Variants in DMD observed in about 807,000 individuals in gnomAD.
DMD encodes the protein mutant dystrophin.
In DMD, 63 loss-of-function variants were observed where a neutral mutation model predicts 330.1. That is an observed-to-expected ratio of 0.19 (90% CI 0.16 to 0.24). DMD has a LOEUF of 0.24. Among genes scored for constraint, DMD ranks in the 10% least tolerant of loss-of-function variants. The pLI is 1.00. For missense variants in DMD, 3,344 were observed against 2,684.1 expected (o/e 1.25, Z -5.43); for synonymous variants, 1,223 against 959.8 (o/e 1.27, Z -5.07).
chrX:32,777,891 C>G (rs1355425386), intron 7 of DMD, among the ~76,000 whole-genome samples: 1 of 112,252 alleles, frequency 8.9e-6, no homozygotes, highest in African/African-American at 3.2e-5. Context: ...TTTTGGATGT[C>G]CAGCAGTGTG....
At chrX:32,303,611 A>G (rs953358166) in intron 42 of DMD, among the ~76,000 whole-genome samples, 16 of 111,223 alleles carry the variant, frequency 1.4e-4, no homozygotes, top group African/African-American at 4.9e-4. Context: ...GACACTTTGT[A>G]ACTTGGTTAA....
At chrX:31,584,777 ATTGT>A (rs1346540543) in intron 55 of DMD, among the ~76,000 whole-genome samples, 2 of 110,814 alleles carry the variant, frequency 1.8e-5, no homozygotes, top group African/African-American at 6.6e-5. Flanking sequence ...AGCTTGGACA[ATTGT>A]TTGTTTGTTA....
At chrX:32,406,699 T>C (rs139926246) in intron 30 of DMD, among the ~76,000 whole-genome samples, 2,716 of 110,943 alleles carry the variant, frequency 0.024, 80 homozygotes, top group African/African-American at 0.083. Flanking sequence ...ATCAGGGATA[T>C]TGGTCTAAAA....
intron 62 of DMD, among the ~76,000 whole-genome samples, chrX:31,293,216 T>TGTGTGTGTGTGTGGTCTGGTTTA (rs1569519890): frequency 1.1e-5 from 1 of 94,345 alleles, no homozygotes; most frequent in Non-Finnish European, 2.0e-5. Flanking sequence ...TGTGTGTGTG[T>TGTGTGTGTGTGTGGTCTGGTTTA]GTGTGTGTGT....
At chrX:32,667,489 G>T (rs1433593917) in intron 9 of DMD, among the ~76,000 whole-genome samples, 2 of 111,845 alleles carry the variant, frequency 1.8e-5, no homozygotes, top group Non-Finnish European at 3.8e-5. Context: ...ACCAACAAGG[G>T]AGTACAAATA....
chrX:32,368,331 T>C (rs1431685066), intron 34 of DMD, among the ~76,000 whole-genome samples: 1 of 111,273 alleles, frequency 9.0e-6, no homozygotes, highest in Non-Finnish European at 1.9e-5. Context: ...ATCACATTTT[T>C]TTTTGGAAAC....
At chrX:31,465,963 G>T (rs914654015) in intron 59 of DMD, among the ~76,000 whole-genome samples, 12 of 112,074 alleles carry the variant, frequency 1.1e-4, no homozygotes, top group Non-Finnish European at 1.9e-4. Context: ...TTTCATGTTT[G>T]TTGGCCGCAT....
intron 13 of DMD, chrX:32,583,606 C>G (rs990066464): frequency 2.7e-5 from 3 of 111,788 alleles, no homozygotes; most frequent in African/African-American, 9.8e-5. Context: ...TGATTAGAGT[C>G]CATAAACTGA....
chrX:33,190,116 T>C (rs1401513889), intron 1 of DMD, among the ~76,000 whole-genome samples: 2 of 111,367 alleles, frequency 1.8e-5, no homozygotes, highest in Admixed American at 1.9e-4. Flanking sequence ...GTTCTGTTTG[T>C]AGCCATGATA....
chrX:32,912,653 G>T (rs909670009), intron 2 of DMD, among the ~76,000 whole-genome samples: 7 of 112,041 alleles, frequency 6.2e-5, no homozygotes, highest in Non-Finnish European at 9.4e-5. Context: ...AACAGTCACA[G>T]AAGAATAAAT....
intron 41 of DMD, among the ~76,000 whole-genome samples, chrX:32,321,472 T>C (rs1205197675): frequency 9.0e-6 from 1 of 111,062 alleles, no homozygotes; most frequent in Non-Finnish European, 1.9e-5. Context: ...TTTAAGGAGA[T>C]CTGTTTGACT....
intron 2 of DMD, among the ~76,000 whole-genome samples, chrX:32,885,150 T>G (rs1004404002): frequency 1.8e-5 from 2 of 111,809 alleles, no homozygotes; most frequent in African/African-American, 6.5e-5. Context: ...AAGACAATAT[T>G]TCCTATGGGT....
chrX:31,284,825 AACACACACAC>A (rs61401043), intron 62 of DMD, among the ~76,000 whole-genome samples: 261 of 91,499 alleles, frequency 2.9e-3, no homozygotes, highest in African/African-American at 7.0e-3. Flanking sequence ...TAATGGCTTA[AACACACACAC>A]ACACACACAC....
In DMD at chrX:32,644,198, T is replaced by G; in HGVS notation, c.1265A>C (p.Glu422Ala). ...LSEDEETEVQ[E>A]QMNLLNSRWE... is the part of the protein sequence containing the mutation. ...TCTTGAATTTAGGAGATTCATCTGCTCTTGTACTTCAGTTTCTTCATCTTC... is the reference window on the plus strand; with the variant it reads ...TCTTGAATTTAGGAGATTCATCTGCGCTTGTACTTCAGTTTCTTCATCTTC... The change falls in exon 11 of 79, where the codon GAG becomes GCG. Residue 422 changes from glutamate (E) to alanine (A), a missense_variant. Coordinates refer to ENST00000357033, the MANE Select transcript of DMD (RefSeq NM_004006.3). 8.3e-7 allele frequency: 1 copy of G among 1,210,616 alleles called. No individual in the cohort carries two copies. The highest frequency in any genetic ancestry group is 1.1e-6 in the Non-Finnish European group (1 of 894,504).
intron 43 of DMD, among the ~76,000 whole-genome samples, chrX:32,231,597 CT>C: frequency 8.9e-6 from 1 of 111,998 alleles, no homozygotes; most frequent in South Asian, 3.7e-4. Context: ...AAACAATTCA[CT>C]TTTTACTTAG....
intron 76 of DMD, among the ~76,000 whole-genome samples, chrX:31,144,505 G>A (rs188083204): frequency 1.8e-5 from 2 of 111,601 alleles, no homozygotes; most frequent in Non-Finnish European, 3.8e-5. Flanking sequence ...CAAATTTTTC[G>A]CCATAAAACT....
chrX:32,302,287 T>C (rs979817927), intron 42 of DMD, among the ~76,000 whole-genome samples: 1 of 111,387 alleles, frequency 9.0e-6, no homozygotes, highest in African/African-American at 3.2e-5. Context: ...TCAGAGCATG[T>C]TTAAGGTAAG....
intron 34 of DMD, among the ~76,000 whole-genome samples, chrX:32,369,667 T>G (rs181363768): frequency 2.3e-4 from 26 of 111,319 alleles, no homozygotes; most frequent in Non-Finnish European, 4.3e-4. Context: ...TTCACAAGTT[T>G]TCCAGTACCT....
intron 21 of DMD, among the ~76,000 whole-genome samples, chrX:32,476,934 A>T (rs1299207378): frequency 9.0e-6 from 1 of 111,471 alleles, no homozygotes; most frequent in Non-Finnish European, 1.9e-5. Context: ...TGACAGCAAT[A>T]AGACAATAAA....
Sources: gnomAD v4.1 joint callset for allele counts (sites outside exome capture counted in the v4.1 genomes callset) on GRCh38, gnomAD v4.1.1 for gene constraint, MANE v1.5 for transcripts, NCBI Gene and HGNC (gene_info 2026-07-23, HGNC 2026-07-21) for gene names.